The following BTC variants were observed in gnomAD, a reference collection of about 807,000 sequenced individuals.
BTC encodes betacellulin.
BTC carries 13 observed loss-of-function variants against 18.1 expected under a neutral mutation model. The observed-to-expected ratio is 0.72, with a 90% CI of 0.47 to 1.14. BTC has a LOEUF of 1.14. Among genes scored for constraint, BTC ranks in the 50% most tolerant of loss-of-function variants. BTC has a pLI of 0.00. For synonymous variants in BTC, 83 were observed against 79.4 expected (o/e 1.05, Z -0.24); for missense variants, 247 against 224.2 (o/e 1.10, Z -0.65).
chr4:74,747,114 G>T (rs1345662151), intron 5 of BTC, among the ~76,000 whole-genome samples: 1 of 152,176 alleles, frequency 6.6e-6, no homozygotes, highest in East Asian at 1.9e-4. Context: ...GAGCCAATAC[G>T]TTGCCTTCAT....
intron 3 of BTC, among the ~76,000 whole-genome samples, chr4:74,755,350 A>G (rs1175687577): frequency 7.2e-5 from 11 of 152,242 alleles, no homozygotes; most frequent in African/African-American, 2.7e-4. Context: ...AGCTAGGCTC[A>G]AATACAAAGA....
At chr4:74,783,587 CTTTTTTTTTTTTTTT>C (rs71220728) in intron 1 of BTC, among the ~76,000 whole-genome samples, 1 of 83,574 alleles carries the variant, frequency 1.2e-5, no homozygotes, top group Non-Finnish European at 2.4e-5. Context: ...CTATTCGGCT[CTTTTTTTTTTTTTTT>C]TTTTTTGGTA....
At chr4:74,770,010 T>C (rs747142099) in intron 2 of BTC, 48 bp downstream of exon 2, 66 of 1,456,742 alleles carry the variant, frequency 4.5e-5, no homozygotes, top group Middle Eastern at 1.7e-4. Context: ...ACTATTATTA[T>C]CAGAAAATTA....
chr4:74,779,804 G>C (rs2109911302), intron 1 of BTC, among the ~76,000 whole-genome samples: 1 of 152,240 alleles, frequency 6.6e-6, no homozygotes, highest in Non-Finnish European at 1.5e-5. Flanking sequence ...AAATGAGTTA[G>C]AGTAAGCCAA....
chr4:74,785,218 T>C (rs1437242011), intron 1 of BTC, among the ~76,000 whole-genome samples: 1 of 152,190 alleles, frequency 6.6e-6, no homozygotes, highest in Non-Finnish European at 1.5e-5. Flanking sequence ...TTAATAGAGG[T>C]GTTTATAGTA....
At chr4:74,749,483 A>AAAATAAAT (rs10654944) in intron 4 of BTC, among the ~76,000 whole-genome samples, 6,598 of 143,606 alleles carry the variant, frequency 0.046, 200 homozygotes, top group African/African-American at 0.089. Flanking sequence ...ACTCTGTCTC[A>AAAATAAAT]AAATAAATAA....
intron 3 of BTC, among the ~76,000 whole-genome samples, chr4:74,752,957 C>T (rs1388720646): frequency 6.6e-6 from 1 of 152,092 alleles, no homozygotes; most frequent in Admixed American, 6.5e-5. Context: ...GTAAGTTGTA[C>T]CCCAGTGAAT....
chr4:74,748,087 T>G lies in BTC; in HGVS notation c.491A>C (p.Asp164Ala). ...KEEEMETLGK[D>A]ITPINEDIEE... is the part of the protein sequence containing the mutation. ...AATATCTTCATTGATAGGAGTTATA[T>G]CTTTACCCAGAGTTTCCATTTCTTC... Residue 164 changes from aspartate (D) to alanine (A), a missense_variant, in exon 5 of 6, where the codon GAT (aspartate) becomes GCT (alanine). By Grantham distance (126) the Asp-to-Ala change is moderately radical. Coordinates refer to ENST00000395743, the MANE Select transcript of BTC (RefSeq NM_001729.4). The G allele has an allele frequency of 6.2e-7, 1 of 1,610,944 alleles. No homozygotes were observed. The highest frequency in any genetic ancestry group is 1.7e-5 in the Admixed American group (1 of 59,912).
intron 2 of BTC, among the ~76,000 whole-genome samples, chr4:74,760,729 A>G (rs972274953): frequency 2.2e-5 from 3 of 137,166 alleles, no homozygotes; most frequent in Non-Finnish European, 4.7e-5. Flanking sequence ...ACAGATTAGC[A>G]TGTCATTTTT....
intron 1 of BTC, among the ~76,000 whole-genome samples, chr4:74,779,597 A>G (rs1725265252): frequency 6.6e-6 from 1 of 152,144 alleles, no homozygotes; most frequent in Non-Finnish European, 1.5e-5. Context: ...AGGAAAAAGG[A>G]CAATTTGTTT....
chr4:74,757,570 T>C (rs1724633353), intron 2 of BTC, among the ~76,000 whole-genome samples: 1 of 152,236 alleles, frequency 6.6e-6, no homozygotes, highest in Admixed American at 6.5e-5. Flanking sequence ...TCGTTGAGTG[T>C]TTCCATTTGC....
chr4:74,768,642 G>A (rs1208453277), intron 2 of BTC, among the ~76,000 whole-genome samples: 1 of 152,056 alleles, frequency 6.6e-6, no homozygotes, highest in East Asian at 1.9e-4. Context: ...TTCAGTTAGT[G>A]CAACATTAAT....
At chr4:74,750,396 C>A (rs1724426981) in intron 4 of BTC, among the ~76,000 whole-genome samples, 177 bp downstream of exon 4, 1 of 151,946 alleles carries the variant, frequency 6.6e-6, no homozygotes, top group Non-Finnish European at 1.5e-5. Context: ...TGATAAAAAT[C>A]ATGTATTATG....
chr4:74,749,141 G>C (rs1030270216), intron 4 of BTC, among the ~76,000 whole-genome samples: 2 of 152,080 alleles, frequency 1.3e-5, no homozygotes, highest in African/African-American at 2.4e-5. Context: ...CAAAAATCAA[G>C]TACTCTGGCC....
chr4:74,786,715 C>G (rs976701110), intron 1 of BTC, among the ~76,000 whole-genome samples: 1 of 152,116 alleles, frequency 6.6e-6, no homozygotes, highest in African/African-American at 2.4e-5. Context: ...CCCTTCCCTC[C>G]CCAACTTAGA....
At chr4:74,763,795 G>A (rs184792018) in intron 2 of BTC, among the ~76,000 whole-genome samples, 1 of 152,102 alleles carries the variant, frequency 6.6e-6, no homozygotes, top group East Asian at 1.9e-4. Flanking sequence ...ACACTGTAGG[G>A]TAACTATAAT....
At chr4:74,749,482 C>CT (rs373831168) in intron 4 of BTC, among the ~76,000 whole-genome samples, 35,500 of 121,774 alleles carry the variant, frequency 0.29, 4,465 homozygotes, top group African/African-American at 0.32. Context: ...GACTCTGTCT[C>CT]AAAATAAATA....
intron 1 of BTC, among the ~76,000 whole-genome samples, chr4:74,773,529 A>G (rs145881397): frequency 7.2e-4 from 110 of 152,252 alleles, no homozygotes; most frequent in African/African-American, 2.5e-3. Context: ...CTGGTGCAAG[A>G]CTCAAGACAC....
At position 74,755,858 on chromosome 4, in the gene BTC, C is replaced by T. The variant is rs782518586; in HGVS notation, c.281+1G>A. The stretch of plus-strand genomic sequence containing the variant: ...TTGCTGGCTGAGGACACTCCACTTA[C>T]ACACAGGAGGGCGTCTGCTCGGCCA... On this transcript the variant is annotated splice_donor_variant, in intron 3 of 5. Transcript: ENST00000395743. LOFTEE classifies it high-confidence loss of function. 1.2e-6 allele frequency: 2 copies of T among 1,613,832 alleles called. No individual in the cohort carries two copies. The highest frequency in any genetic ancestry group is 8.5e-7 in the Non-Finnish European group (1 of 1,179,806).
Sources: allele counts gnomAD v4.1 joint callset (sites outside exome capture counted in the v4.1 genomes callset), GRCh38; gene constraint gnomAD v4.1.1; transcripts MANE v1.5; gene names NCBI Gene and HGNC (gene_info 2026-07-23, HGNC 2026-07-21).